The following SRBD1 variants were observed in gnomAD, a reference collection of about 807,000 sequenced individuals.
The protein encoded by SRBD1 is S1 RNA binding domain 1.
Under a neutral mutation model 115.3 loss-of-function variants are expected in SRBD1, and 88 were observed. That is an observed-to-expected ratio of 0.76 (90% CI 0.64 to 0.91). The LOEUF (loss-of-function observed/expected upper bound fraction) is 0.91. Ranked by LOEUF, SRBD1 falls within the 40% of genes least tolerant of loss-of-function variation. The pLI, the probability that SRBD1 is intolerant of heterozygous loss-of-function variation, is 0.00. For synonymous variants in SRBD1, 509 were observed against 407.7 expected (o/e 1.25, Z -2.99); for missense variants, 1,385 against 1,177.4 (o/e 1.18, Z -2.58).
At chr2:45,483,006 A>G (rs986687058) in intron 15 of SRBD1, among the ~76,000 whole-genome samples, 3 of 152,108 alleles carry the variant, frequency 2.0e-5, no homozygotes, top group Admixed American at 1.3e-4. Context: ...CCACTGTTGA[A>G]TCCGTGGGCA....
intron 16 of SRBD1, among the ~76,000 whole-genome samples, chr2:45,429,819 G>C (rs1171357068): frequency 6.6e-6 from 1 of 152,066 alleles, no homozygotes; most frequent in African/African-American, 2.4e-5. Flanking sequence ...AGAAATAAAG[G>C]GTATTCAAAT....
In SRBD1 at chr2:45,581,729, C is replaced by A; in HGVS notation, c.897G>T (p.Met299Ile). The change falls in exon 6 of 21, where the codon ATG (methionine) becomes ATT (isoleucine). Residue 299 changes from methionine (M) to isoleucine (I), a missense_variant. Coordinates refer to ENST00000263736, the MANE Select transcript of SRBD1 (RefSeq NM_018079.5). ...GTTCTTCAAAAGTTTTACAATTCAG[C>A]ATGGCTTTTAACAAGCACTCAGACA... ...GKMSECLLKAMLNCKTFEELE... is the reference protein window; with the variant it reads ...GKMSECLLKAILNCKTFEELE... The A allele has an allele frequency of 6.2e-7, 1 of 1,613,486 alleles. No individual in the cohort carries two copies. Among genetic ancestry groups the A allele is most frequent in the Non-Finnish European group, 8.5e-7 (1 of 1,179,762 alleles).
intron 18 of SRBD1, among the ~76,000 whole-genome samples, chr2:45,414,714 GTA>G (rs141627324): frequency 2.4e-4 from 24 of 99,766 alleles, no homozygotes; most frequent in African/African-American, 5.0e-4. Context: ...TATATAGTAT[GTA>G]TATACACACA....
At position 45,413,154 on chromosome 2, in the gene SRBD1, G is replaced by C. The variant is rs1484646998; in HGVS notation, c.2473C>G (p.Gln825Glu). 1 of 1,614,044 alleles carries C rather than the reference G, an allele frequency of 6.2e-7. No homozygotes were observed. Among genetic ancestry groups the C allele is most frequent in the Non-Finnish European group, 8.5e-7 (1 of 1,179,970 alleles). The change falls in exon 19 of 21, where the codon CAA (glutamine) becomes GAA (glutamate). Residue 825 changes from glutamine (Q) to glutamate (E), a missense_variant. Gln to Glu is a conservative substitution (Grantham distance 29). Coordinates refer to ENST00000263736, the MANE Select transcript of SRBD1 (RefSeq NM_018079.5). The part of the protein sequence containing the change: ...NVLLKPNPLD[Q>E]TCIHPESYDI... Reference sequence around the variant, plus strand: ...TATGATTCTGGATGAATACAAGTTTGGTCCAAAGGATTTGGCTTCAGTAAA... The same window carrying C: ...TATGATTCTGGATGAATACAAGTTTCGTCCAAAGGATTTGGCTTCAGTAAA...
chr2:45,420,086 A>G (rs1213537136), intron 16 of SRBD1, among the ~76,000 whole-genome samples, 192 bp from the exon 17 acceptor site: 2 of 152,194 alleles, frequency 1.3e-5, no homozygotes. Flanking sequence ...TAAGCTATGC[A>G]TATATACCTA....
intron 20 of SRBD1, among the ~76,000 whole-genome samples, chr2:45,390,050 C>A (rs184935039): frequency 9.5e-4 from 145 of 152,212 alleles, no homozygotes; most frequent in African/African-American, 3.3e-3. Context: ...GAAAGTACAT[C>A]AACTTTTGGC....
At chr2:45,558,059 A>G (rs1672538956) in intron 10 of SRBD1, among the ~76,000 whole-genome samples, 1 of 152,206 alleles carries the variant, frequency 6.6e-6, no homozygotes, top group Admixed American at 6.5e-5. Context: ...TTCCACATTT[A>G]AAGTAGAGAC....
rs954495041 is a variant in SRBD1 at position 45,507,005 on chromosome 2, GTT to G, written c.1875-18676_1875-18675del. On this transcript the variant is annotated intron_variant, in intron 14 of 20. Coordinates refer to ENST00000263736, the MANE Select transcript of SRBD1 (RefSeq NM_018079.5). The stretch of plus-strand genomic sequence containing the variant: ...TCTGTGTTATAGACTGAAATAGAGG[GTT>G]TTGTTTTTCATTAATATGGATAAAA... Among the ~76,000 whole-genome samples, 16 of 152,154 alleles carry G rather than the reference GTT, an allele frequency of 1.1e-4. 1 individual carries two copies. The South Asian group carries it at 1.5e-3, about 14-fold the overall frequency.
chr2:45,602,213 C>T (rs1674116739), intron 2 of SRBD1, 130 bp from the exon 3 acceptor site: 1 of 1,059,838 alleles, frequency 9.4e-7, no homozygotes, highest in Non-Finnish European at 1.3e-6. Context: ...TGATTGAGTA[C>T]AGGCTGTGAA....
intron 19 of SRBD1, among the ~76,000 whole-genome samples, chr2:45,410,582 T>C (rs974739063): frequency 6.6e-6 from 1 of 152,174 alleles, no homozygotes; most frequent in Non-Finnish European, 1.5e-5. Context: ...GATAAGAGTG[T>C]CTTTTGTATG....
At chr2:45,446,884 T>C (rs2103729139) in intron 16 of SRBD1, among the ~76,000 whole-genome samples, 1 of 152,280 alleles carries the variant, frequency 6.6e-6, no homozygotes, top group East Asian at 1.9e-4. Flanking sequence ...CCTAAAATTC[T>C]ACATCCACTG....
At chr2:45,480,365 T>C (rs1462766658) in intron 15 of SRBD1, among the ~76,000 whole-genome samples, 2 of 152,194 alleles carry the variant, frequency 1.3e-5, no homozygotes, top group African/African-American at 4.8e-5. Flanking sequence ...ATGCTATTAA[T>C]AACATTCATA....
Position 45,530,042 on chromosome 2 carries a change from C to A in SRBD1, c.1874+16690G>T, listed in dbSNP as rs142585400. ...TTTAAACAATGGAACTATCTAAATT[C>A]AAACCAGGAATTAGAAGAGTGGCCT... On this transcript the variant is annotated intron_variant, in intron 14 of 20. Transcript: ENST00000263736. 2.7e-4 allele frequency among the ~76,000 whole-genome samples: 41 copies of A among 152,044 alleles called. No individual in the cohort carries two copies. The East Asian group carries it at 6.8e-3, about 25-fold the overall frequency.
intron 10 of SRBD1, among the ~76,000 whole-genome samples, chr2:45,557,397 C>G (rs568915067): frequency 6.6e-6 from 1 of 152,276 alleles, no homozygotes; most frequent in South Asian, 2.1e-4. Flanking sequence ...CAGGAAAAAG[C>G]CAGAAATCTT....
intron 14 of SRBD1, among the ~76,000 whole-genome samples, chr2:45,505,274 C>G (rs1291169862): frequency 1.3e-5 from 2 of 152,126 alleles, no homozygotes; most frequent in African/African-American, 4.8e-5. Flanking sequence ...ACATGTGGAG[C>G]AAGAAGGCAG....
intron 1 of SRBD1, among the ~76,000 whole-genome samples, chr2:45,609,446 CT>C: frequency 6.6e-6 from 1 of 152,318 alleles, no homozygotes; most frequent in Admixed American, 6.5e-5. Flanking sequence ...ACTCTTGCCC[CT>C]GCAACTCATT....
At chr2:45,486,562 C>T (rs1479556052) in intron 15 of SRBD1, among the ~76,000 whole-genome samples, 8 of 151,600 alleles carry the variant, frequency 5.3e-5, no homozygotes, top group Non-Finnish European at 1.0e-4. Context: ...CTCGTCTCTA[C>T]TAAAAAATAC....
At chr2:45,562,884 C>A in intron 9 of SRBD1, 128 bp from the exon 10 acceptor site, 7 of 542,666 alleles carry the variant, frequency 1.3e-5, no homozygotes, top group Admixed American at 3.8e-5. Context: ...TTAAAATAAT[C>A]ATTTACTTAC....
At chr2:45,421,738 A>G (rs73925656) in intron 16 of SRBD1, among the ~76,000 whole-genome samples, 13,081 of 152,028 alleles carry the variant, frequency 0.086, 785 homozygotes, top group African/African-American at 0.16. Flanking sequence ...AGAGTCCCCA[A>G]GTATTGTGAT....
Sources: allele counts gnomAD v4.1 joint callset (sites outside exome capture counted in the v4.1 genomes callset), GRCh38; gene constraint gnomAD v4.1.1; transcripts MANE v1.5; gene names NCBI Gene and HGNC (gene_info 2026-07-23, HGNC 2026-07-21).